Variants in SBF2 observed in about 807,000 individuals in gnomAD.
SBF2 encodes myotubularin-related protein 13.
A neutral mutation model predicts 225.2 loss-of-function variants in SBF2; 112 were observed. The ratio of observed to expected loss-of-function variants is 0.50; its 90% CI spans 0.43 to 0.58. SBF2 has a LOEUF of 0.58. Ranked by LOEUF, SBF2 falls within the 20% of genes least tolerant of loss-of-function variation. SBF2 has a pLI of 0.00. For missense variants in SBF2, 1,996 were observed against 2,206.2 expected (o/e 0.90, Z 1.91); for synonymous variants, 763 against 773.3 (o/e 0.99, Z 0.22).
intron 6 of SBF2, among the ~76,000 whole-genome samples, chr11:10,026,280 C>T (rs1217407455): frequency 6.6e-6 from 1 of 152,084 alleles, no homozygotes; most frequent in Non-Finnish European, 1.5e-5. Flanking sequence ...TCCTTCTATA[C>T]CTTTTCATAG....
chr11:9,829,603 T>TA (rs1855266687), intron 27 of SBF2, 107 bp from the exon 28 acceptor site: 4 of 1,040,568 alleles, frequency 3.8e-6, no homozygotes, highest in Admixed American at 1.9e-5. Flanking sequence ...TTTTTCTCTA[T>TA]ATAGTCTACA....
intron 28 of SBF2, among the ~76,000 whole-genome samples, chr11:9,822,116 A>G (rs1437954765): frequency 6.6e-6 from 1 of 152,220 alleles, no homozygotes; most frequent in African/African-American, 2.4e-5. Flanking sequence ...TACATATACT[A>G]TTTAATTTAT....
At chr11:9,823,026 G>GA (rs1435178401) in intron 28 of SBF2, among the ~76,000 whole-genome samples, 11 of 152,162 alleles carry the variant, frequency 7.2e-5, no homozygotes, top group African/African-American at 2.7e-4. Context: ...TGTAAAGGAT[G>GA]AAAAATTAAA....
intron 1 of SBF2, among the ~76,000 whole-genome samples, chr11:10,207,008 T>C (rs988699516): frequency 2.7e-5 from 4 of 150,004 alleles, no homozygotes; most frequent in Admixed American, 6.6e-5. Flanking sequence ...GTGACTCTCA[T>C]ACTGGATAAA....
intron 1 of SBF2, among the ~76,000 whole-genome samples, chr11:10,226,170 C>G (rs562099209): frequency 6.6e-6 from 1 of 152,176 alleles, no homozygotes; most frequent in South Asian, 2.1e-4. Context: ...TTTTAAAAGA[C>G]AGTGTACAGC....
intron 1 of SBF2, among the ~76,000 whole-genome samples, chr11:10,256,884 C>T (rs1442739): frequency 0.2 from 29,932 of 152,074 alleles, 3,120 homozygotes; most frequent in Middle Eastern, 0.26. Flanking sequence ...TATCCTATAA[C>T]GAAGTCTGAC....
At chr11:9,967,971 C>CTCTATATA (rs1260685462) in intron 14 of SBF2, among the ~76,000 whole-genome samples, 9 of 91,504 alleles carry the variant, frequency 9.8e-5, no homozygotes, top group South Asian at 3.5e-4. Flanking sequence ...CTCTCTCTCT[C>CTCTATATA]TATATATATA....
chr11:10,219,234 T>G (rs576656127), intron 1 of SBF2, among the ~76,000 whole-genome samples: 2 of 152,214 alleles, frequency 1.3e-5, no homozygotes, highest in African/African-American at 2.4e-5. Context: ...AATTCTTGAC[T>G]TTTGTGTACC....
At chr11:10,090,764 C>CAAAAAAAAAAAAAAAAAAAA (rs201577494) in intron 2 of SBF2, among the ~76,000 whole-genome samples, 4 of 44,422 alleles carry the variant, frequency 9.0e-5, no homozygotes, top group African/African-American at 8.8e-5. Context: ...GATTCCATCT[C>CAAAAAAAAAAAAAAAAAAAA]AAAAAAAAAA....
intron 16 of SBF2, among the ~76,000 whole-genome samples, chr11:9,930,485 G>A (rs1476820864): frequency 6.6e-6 from 1 of 152,146 alleles, no homozygotes; most frequent in Non-Finnish European, 1.5e-5. Context: ...TTGAGAAGAG[G>A]GGAGAGTATC....
At chr11:9,911,913 C>T (rs990506135) in intron 16 of SBF2, among the ~76,000 whole-genome samples, 1 of 152,242 alleles carries the variant, frequency 6.6e-6, no homozygotes, top group Non-Finnish European at 1.5e-5. Context: ...GCGTGGAATA[C>T]GCTAACCAAG....
chr11:9,891,563 G>A (rs1052681864), intron 17 of SBF2, among the ~76,000 whole-genome samples: 3 of 152,174 alleles, frequency 2.0e-5, no homozygotes, highest in Non-Finnish European at 4.4e-5. Flanking sequence ...GCTTGGCATA[G>A]CTAATAAATT....
chr11:10,027,077 C>CT (rs573868094), intron 6 of SBF2, among the ~76,000 whole-genome samples: 3 of 151,226 alleles, frequency 2.0e-5, no homozygotes, highest in South Asian at 2.1e-4. Flanking sequence ...ACTTCACATA[C>CT]TTTTTTTTTG....
In SBF2 at chr11:10,063,154, C is replaced by T. The variant is rs1323955056; in HGVS notation, c.142-20173G>A. 2.6e-5 allele frequency among the ~76,000 whole-genome samples: 4 copies of T among 151,784 alleles called. No homozygotes were observed. The East Asian group carries it at 5.8e-4, about 22-fold the overall frequency. On this transcript the variant is annotated intron_variant, in intron 2 of 39. Coordinates refer to ENST00000256190, the MANE Select transcript of SBF2 (RefSeq NM_030962.4). ...TGAACACAAAGAAGGAAATAACAGACACTGGGGTCTACTTGACAGGGGAGG... is the reference window on the plus strand; with the variant it reads ...TGAACACAAAGAAGGAAATAACAGATACTGGGGTCTACTTGACAGGGGAGG...
chr11:9,815,646 C>A (rs888681368), intron 29 of SBF2, among the ~76,000 whole-genome samples: 2 of 152,050 alleles, frequency 1.3e-5, no homozygotes, highest in African/African-American at 4.8e-5. Context: ...AGGAGCTAAA[C>A]CTCGGAGAGT....
chr11:9,994,013 T>G lies in SBF2; in HGVS notation c.976-15A>C, dbSNP rs1274913696. On this transcript the variant is annotated splice_polypyrimidine_tract_variant and intron_variant, in intron 9 of 39. Coordinates refer to ENST00000256190, the MANE Select transcript of SBF2 (RefSeq NM_030962.4). ...GGGTGTAAAATCTAAAGCAAAAAAG[T>G]TTTGTTATGTAAAATATCATAATAT... 1 of 1,187,038 alleles carries G rather than the reference T, an allele frequency of 8.4e-7. No individual in the cohort carries two copies. Among genetic ancestry groups the G allele is most frequent in the African/African-American group, 1.5e-5 (1 of 66,882 alleles). 73.5% of individuals were successfully genotyped at this position (1,187,038 alleles called of 1,614,324 possible).
intron 17 of SBF2, among the ~76,000 whole-genome samples, chr11:9,873,272 A>G (rs1390483686): frequency 6.6e-6 from 1 of 151,546 alleles, no homozygotes; most frequent in African/African-American, 2.4e-5. Flanking sequence ...ACAAAGGTTT[A>G]AAGTGATATG....
At chr11:9,938,666 A>G (rs1269128753) in intron 16 of SBF2, among the ~76,000 whole-genome samples, 2 of 152,192 alleles carry the variant, frequency 1.3e-5, no homozygotes, top group Non-Finnish European at 2.9e-5. Context: ...ATTATTTAAT[A>G]AATTTTGCCA....
intron 2 of SBF2, among the ~76,000 whole-genome samples, chr11:10,111,060 C>T (rs1334273529): frequency 6.6e-6 from 1 of 152,016 alleles, no homozygotes; most frequent in Admixed American, 6.6e-5. Context: ...TATAAATATA[C>T]ACATACAACC....
Sources: gnomAD v4.1 joint callset for allele counts (sites outside exome capture counted in the v4.1 genomes callset) on GRCh38, gnomAD v4.1.1 for gene constraint, MANE v1.5 for transcripts, NCBI Gene and HGNC (gene_info 2026-07-23, HGNC 2026-07-21) for gene names.